Variants in CACNB2 observed in about 807,000 individuals in gnomAD.
The protein encoded by CACNB2 is calcium voltage-gated channel auxiliary subunit beta 2.
CACNB2 carries 42 observed loss-of-function variants against 73.3 expected under a neutral mutation model. The observed-to-expected ratio is 0.57, with a 90% confidence interval of 0.45 to 0.74. CACNB2 has a LOEUF of 0.74. Among genes scored for constraint, CACNB2 ranks in the 30% least tolerant of loss-of-function variants. CACNB2 has a pLI of 0.00. For missense variants in CACNB2, 940 were observed against 853.0 expected (o/e 1.10, Z -1.27); for synonymous variants, 348 against 310.3 (o/e 1.12, Z -1.28).
chr10:18,442,909 A>T (rs1402095064), intron 3 of CACNB2, among the ~76,000 whole-genome samples: 9 of 104,392 alleles, frequency 8.6e-5, no homozygotes, highest in African/African-American at 2.7e-4. Flanking sequence ...ATGTAAAAAC[A>T]ATATATATAT....
chr10:18,396,913 G>C (rs560520445), intron 2 of CACNB2, among the ~76,000 whole-genome samples: 32 of 152,232 alleles, frequency 2.1e-4, no homozygotes, highest in Non-Finnish European at 2.6e-4. Flanking sequence ...AATCAGACTG[G>C]CCTTTGGATT....
chr10:18,394,206 C>T (rs867070277), intron 2 of CACNB2, among the ~76,000 whole-genome samples: 2 of 152,116 alleles, frequency 1.3e-5, no homozygotes, highest in Non-Finnish European at 2.9e-5. Flanking sequence ...ATCTGCCTGC[C>T]TCGGCCTCCC....
At chr10:18,234,806 C>T (rs913094567) in intron 2 of CACNB2, among the ~76,000 whole-genome samples, 4 of 152,112 alleles carry the variant, frequency 2.6e-5, no homozygotes, top group Non-Finnish European at 2.9e-5. Context: ...GATGATTGCA[C>T]TATGATGTGA....
chr10:18,381,688 C>CAAA (rs200757952), intron 2 of CACNB2, among the ~76,000 whole-genome samples: 5 of 78,522 alleles, frequency 6.4e-5, no homozygotes, highest in African/African-American at 2.5e-4. Flanking sequence ...GACTCCGTCT[C>CAAA]AAAAAAAAAA....
chr10:18,498,288 T>G, intron 3 of CACNB2, 67 bp from the exon 4 acceptor site: 2 of 1,588,832 alleles, frequency 1.3e-6, no homozygotes, highest in Non-Finnish European at 8.6e-7. Flanking sequence ...TCTTTGTGTT[T>G]GAGGGAAAAA....
intron 3 of CACNB2, among the ~76,000 whole-genome samples, chr10:18,481,193 T>TAA (rs2048708175): frequency 2.0e-4 from 1 of 5,042 alleles, no homozygotes; most frequent in African/African-American, 6.0e-4. Context: ...ACATCTTCGC[T>TAA]ATATATATAT....
Position 18,539,678 on chromosome 10 carries a change from G to A in CACNB2, c.1937G>A (p.Arg646Gln), listed in dbSNP as rs374454040. The A allele has an allele frequency of 1.9e-5, 31 of 1,612,898 alleles. No individual in the cohort carries two copies. The highest frequency in any genetic ancestry group is 9.9e-5 in the South Asian group (9 of 90,962). Reference protein sequence around the residue: ...EKDGEVISKKRNEAGEWNRDV... With the variant: ...EKDGEVISKKQNEAGEWNRDV... ...GATGGAGAAGTGATATCAAAAAAAC[G>A]GAATGAGGCTGGGGAGTGGAACAGG... is the stretch of plus-strand genomic sequence containing the variant. The change falls in exon 14 of 14, where the codon CGG becomes CAG. Residue 646 changes from arginine to glutamine, a missense_variant. Physicochemically the swap from Arg to Gln is conservative, Grantham distance 43. Coordinates refer to ENST00000324631, the MANE Select transcript of CACNB2 (RefSeq NM_201596.3).
At chr10:18,171,988 A>G (rs1266350250) in intron 2 of CACNB2, among the ~76,000 whole-genome samples, 1 of 152,104 alleles carries the variant, frequency 6.6e-6, no homozygotes, top group Non-Finnish European at 1.5e-5. Flanking sequence ...GCATATATCT[A>G]GATGAATAGT....
intron 2 of CACNB2, among the ~76,000 whole-genome samples, chr10:18,355,633 T>TC (rs1253011674): frequency 1.3e-5 from 2 of 151,256 alleles, no homozygotes; most frequent in Non-Finnish European, 2.9e-5. Flanking sequence ...TTTTTCTCTT[T>TC]TTTTTTTTTT....
intron 2 of CACNB2, among the ~76,000 whole-genome samples, chr10:18,297,069 C>A (rs1446422261): frequency 6.6e-6 from 1 of 152,282 alleles, no homozygotes; most frequent in Non-Finnish European, 1.5e-5. Flanking sequence ...TCTGCCCTTT[C>A]TTTTCCAATC....
intron 2 of CACNB2, among the ~76,000 whole-genome samples, chr10:18,397,562 A>G (rs2043776475): frequency 6.6e-6 from 1 of 152,054 alleles, no homozygotes; most frequent in Non-Finnish European, 1.5e-5. Context: ...TAAAAATACA[A>G]AAATTAGCCG....
At chr10:18,492,929 C>T (rs1447102690) in intron 3 of CACNB2, among the ~76,000 whole-genome samples, 2 of 151,948 alleles carry the variant, frequency 1.3e-5, no homozygotes, top group Non-Finnish European at 2.9e-5. Flanking sequence ...ATAGCAAATG[C>T]CTATTAATAA....
chr10:18,474,287 A>G (rs1337773978), intron 3 of CACNB2, among the ~76,000 whole-genome samples: 1 of 151,868 alleles, frequency 6.6e-6, no homozygotes, highest in African/African-American at 2.4e-5. Flanking sequence ...GGGCAGGGGG[A>G]CTCTCAGGGA....
intron 3 of CACNB2, among the ~76,000 whole-genome samples, chr10:18,437,416 T>C (rs2046191990): frequency 6.6e-6 from 1 of 152,196 alleles, no homozygotes; most frequent in African/African-American, 2.4e-5. Flanking sequence ...AAATAGCGTA[T>C]CGTTGACCCA....
rs146569521 is a variant in CACNB2, at chr10:18,456,516, C to T, written c.334-41839C>T. On this transcript the variant is annotated intron_variant, in intron 3 of 13. Transcript: ENST00000324631. Reference sequence around the variant, plus strand: ...CATGAGAATCCTATCACGAGAACAGCGCCAAGATATAGTGCTAAACCATTC... The same window carrying T: ...CATGAGAATCCTATCACGAGAACAGTGCCAAGATATAGTGCTAAACCATTC... Among the ~76,000 whole-genome samples the T allele has an allele frequency of 6.4e-3, 976 of 152,184 alleles. 13 individuals carry two copies. Among genetic ancestry groups the T allele is most frequent in the African/African-American group, 0.022 (897 of 41,518 alleles).
chr10:18,405,337 G>A (rs1442227102), intron 3 of CACNB2, among the ~76,000 whole-genome samples: 1 of 152,142 alleles, frequency 6.6e-6, no homozygotes, highest in Non-Finnish European at 1.5e-5. Flanking sequence ...TGTCTATTCT[G>A]TATATTGCAT....
At chr10:18,376,628 T>A (rs1196084046) in intron 2 of CACNB2, among the ~76,000 whole-genome samples, 1 of 152,178 alleles carries the variant, frequency 6.6e-6, no homozygotes, top group African/African-American at 2.4e-5. Flanking sequence ...TGAGGAGGCT[T>A]ATCACAAGCT....
chr10:18,352,298 A>T (rs1222874604), intron 2 of CACNB2, among the ~76,000 whole-genome samples: 2 of 152,244 alleles, frequency 1.3e-5, no homozygotes, highest in African/African-American at 2.4e-5. Flanking sequence ...AAAGCATGGC[A>T]TCTGATCTCC....
chr10:18,257,448 C>A (rs2037330648), intron 2 of CACNB2: 1 of 152,252 alleles, frequency 6.6e-6, no homozygotes, highest in Non-Finnish European at 1.5e-5. Context: ...TGGTGGAGAA[C>A]TGAGTTTAGA....
Sources: gnomAD v4.1 joint callset for allele counts (sites outside exome capture counted in the v4.1 genomes callset) on GRCh38, gnomAD v4.1.1 for gene constraint, MANE v1.5 for transcripts, NCBI Gene and HGNC (gene_info 2026-07-23, HGNC 2026-07-21) for gene names.